Variants in SPATA13 observed in about 807,000 individuals in gnomAD.
SPATA13 encodes the protein spermatogenesis-associated protein 13.
SPATA13 carries 50 observed loss-of-function variants against 104.0 expected under a neutral mutation model. The ratio of observed to expected loss-of-function variants is 0.48; its 90% CI spans 0.38 to 0.61. The LOEUF is 0.61. SPATA13 is among the 20% of genes least tolerant of loss of function. The probability of loss-of-function intolerance (pLI) is 0.00; values close to 1 mark genes in which losing one functional copy is unlikely to be tolerated. For synonymous variants in SPATA13, 606 were observed against 667.5 expected (o/e 0.91, Z 1.42); for missense variants, 1,524 against 1,690.6 (o/e 0.90, Z 1.73).
chr13:24,180,525 A>G (rs964796276), intron 1 of SPATA13, among the ~76,000 whole-genome samples: 2 of 152,194 alleles, frequency 1.3e-5, no homozygotes, highest in Admixed American at 6.5e-5. Flanking sequence ...AAATCATGCA[A>G]AGTCGTCAGC....
chr13:24,169,076 G>A (rs1882859488), intron 1 of SPATA13, among the ~76,000 whole-genome samples: 1 of 152,132 alleles, frequency 6.6e-6, no homozygotes, highest in Admixed American at 6.5e-5. Flanking sequence ...TTACTAAAGA[G>A]CCTGCTTGTG....
intron 7 of SPATA13, among the ~76,000 whole-genome samples, chr13:24,288,038 G>A (rs571934630): frequency 2.0e-5 from 3 of 152,344 alleles, no homozygotes; most frequent in South Asian, 4.1e-4. Context: ...CAGCCATCTC[G>A]TTCTGTATGA....
chr13:24,019,437 G>T (rs542131974), intron 3 of SPATA13, among the ~76,000 whole-genome samples: 7 of 152,306 alleles, frequency 4.6e-5, no homozygotes, highest in African/African-American at 1.4e-4. Flanking sequence ...ATACTGTATG[G>T]TTTGATAGCA....
intron 3 of SPATA13, among the ~76,000 whole-genome samples, chr13:24,153,927 C>A (rs1304310273): frequency 6.6e-6 from 1 of 152,170 alleles, no homozygotes; most frequent in African/African-American, 2.4e-5. Flanking sequence ...CTTTATCAAA[C>A]AAGTGTTATC....
At chr13:24,204,410 C>CT (rs1283026764) in intron 1 of SPATA13, among the ~76,000 whole-genome samples, 132 of 151,430 alleles carry the variant, frequency 8.7e-4, no homozygotes, top group African/African-American at 3.1e-3. Context: ...GCAGACAGAG[C>CT]TTTTTTTTTA....
intron 1 of SPATA13, among the ~76,000 whole-genome samples, chr13:24,219,300 A>T (rs1871442366): frequency 6.6e-6 from 1 of 152,256 alleles, no homozygotes; most frequent in Non-Finnish European, 1.5e-5. Context: ...TCTTAGCAGC[A>T]CACAACAATC....
chr13:24,137,065 C>T lies in SPATA13; in HGVS notation c.-111-85754C>T, dbSNP rs1439139517. 8.3e-5 allele frequency among the ~76,000 whole-genome samples: 3 copies of T among 36,268 alleles called. 1 individual carries two copies. Among genetic ancestry groups the T allele is most frequent in the East Asian group, 7.5e-4 (1 of 1,338 alleles). 23.8% of individuals were successfully genotyped at this position (36,268 alleles called of 152,430 possible). ...CGGGATGGTCTCAATCTCCTGACCT[C>T]GTGATCCGCCCGCCTCGGCCTCCCA... On this transcript the variant is annotated intron_variant, in intron 3 of 14. Transcript: ENST00000424834.
intron 1 of SPATA13, among the ~76,000 whole-genome samples, chr13:24,171,484 G>A (rs1882965117): frequency 6.6e-6 from 1 of 152,214 alleles, no homozygotes; most frequent in South Asian, 2.1e-4. Flanking sequence ...CACCTACAGT[G>A]TCCTGCAGAT....
At chr13:24,081,639 A>G (rs1191208317) in intron 3 of SPATA13, among the ~76,000 whole-genome samples, 1 of 152,192 alleles carries the variant, frequency 6.6e-6, no homozygotes, top group Non-Finnish European at 1.5e-5. Flanking sequence ...GCACAACTGC[A>G]CTGCAGCCTG....
intron 3 of SPATA13, among the ~76,000 whole-genome samples, chr13:24,071,198 C>A (rs924115553): frequency 1.3e-5 from 2 of 152,134 alleles, no homozygotes; most frequent in African/African-American, 4.8e-5. Flanking sequence ...GAGGAGACAG[C>A]TGCATCTCAG....
chr13:24,035,843 A>G (rs886509530), intron 3 of SPATA13, among the ~76,000 whole-genome samples: 1 of 152,010 alleles, frequency 6.6e-6, no homozygotes, highest in Admixed American at 6.6e-5. Flanking sequence ...GCAAAAAACC[A>G]TCTCTACTAT....
chr13:24,105,328 G>A (rs989454365), intron 3 of SPATA13, among the ~76,000 whole-genome samples: 5 of 152,032 alleles, frequency 3.3e-5, no homozygotes, highest in African/African-American at 1.2e-4. Context: ...GGGTAGAGAC[G>A]GGGATCTGCC....
chr13:24,286,769 G>T lies in SPATA13; in HGVS notation c.2486G>T (p.Arg829Leu), dbSNP rs1393786934. The T allele has an allele frequency of 1.9e-6, 3 of 1,613,542 alleles. No individual in the cohort carries two copies. Among genetic ancestry groups the T allele is most frequent in the Non-Finnish European group, 2.5e-6 (3 of 1,179,858 alleles). Reference protein sequence around the residue: ...AWFPASFVRLRVNQEELSENS... With the variant: ...AWFPASFVRLLVNQEELSENS... ...TCCCCTGTATGTGGGTTGCAGTTGC[G>T]AGTGAATCAGGAAGAGCTGTCGGAA... The change falls in exon 7 of 13, where the codon CGA (arginine) becomes CTA (leucine). Residue 829 changes from arginine to leucine, a missense_variant. Around this residue, in one of 2 missense-constraint regions of SPATA13, gnomAD observed 1,089 missense variants for 1,135.9 expected, o/e 0.96. Transcript: ENST00000382108. This position sits in a 1 kb window ranked among gnomAD's most constrained non-coding sequence, Gnocchi z 4.9.
intron 3 of SPATA13, among the ~76,000 whole-genome samples, chr13:24,052,490 T>TG (rs1566086605): frequency 7.9e-5 from 6 of 76,086 alleles, no homozygotes; most frequent in Non-Finnish European, 1.7e-4. Flanking sequence ...AAGAAATATA[T>TG]GTTTTTTTTT....
chr13:24,277,278 A>G (rs1478521061), intron 4 of SPATA13, among the ~76,000 whole-genome samples: 1 of 151,982 alleles, frequency 6.6e-6, no homozygotes, highest in Non-Finnish European at 1.5e-5. Context: ...CCACGTCTCT[A>G]CTAAAAATAC....
intron 2 of SPATA13, among the ~76,000 whole-genome samples, chr13:24,230,912 C>T (rs1872230051): frequency 6.6e-6 from 1 of 152,094 alleles, no homozygotes; most frequent in South Asian, 2.1e-4. Flanking sequence ...AGGGACATTC[C>T]GTGGCTGGGG....
At chr13:24,156,791 G>C (rs78384903), upstream of SPATA13, among the ~76,000 whole-genome samples, 1,031 of 152,244 alleles carry the variant, frequency 6.8e-3, 7 homozygotes, top group African/African-American at 0.023. Flanking sequence ...TAAGGAGCCG[G>C]TCAAAGTGAG....
At chr13:24,211,663 G>A (rs370222674) in intron 1 of SPATA13, among the ~76,000 whole-genome samples, 1 of 152,038 alleles carries the variant, frequency 6.6e-6, no homozygotes, top group African/African-American at 2.4e-5. Context: ...TGGTCAGCAG[G>A]CCATGTTGAC....
At chr13:24,163,411 A>G (rs956733339) in intron 1 of SPATA13, among the ~76,000 whole-genome samples, 1 of 152,160 alleles carries the variant, frequency 6.6e-6, no homozygotes, top group Non-Finnish European at 1.5e-5. Flanking sequence ...CTCTAAAAAA[A>G]TTAAGTTAAA....
Sources: gnomAD v4.1 joint callset for allele counts (sites outside exome capture counted in the v4.1 genomes callset) on GRCh38, gnomAD v4.1.1 for gene constraint, gnomAD v4.1.1 regional missense constraint, Gnocchi (gnomAD v3.1) non-coding constraint, MANE v1.5 for transcripts, NCBI Gene and HGNC (gene_info 2026-07-23, HGNC 2026-07-21) for gene names.